DLG2: variants seen among roughly 807,000 people sequenced by gnomAD.
DLG2 encodes the protein discs large MAGUK scaffold protein 2, also known as disks large homolog 2.
Under a neutral mutation model 132.5 loss-of-function variants are expected in DLG2, and 45 were observed. The observed-to-expected ratio is 0.34, with a 90% CI of 0.27 to 0.44. The LOEUF is 0.44. DLG2 is among the 20% of genes least tolerant of loss of function. DLG2 has a pLI of 1.00. For missense variants in DLG2, 1,045 were observed against 1,196.9 expected (o/e 0.87, Z 1.87); for synonymous variants, 424 against 419.6 (o/e 1.01, Z -0.13).
rs145284405 is a variant in DLG2, at chr11:84,242,993, T to TTCTCTCTCTCTCTCTC, written c.573+8229_573+8244dup. Among the ~76,000 whole-genome samples, 926 of 124,960 alleles carry TTCTCTCTCTCTCTCTC rather than the reference T, an allele frequency of 7.4e-3. 7 individuals carry two copies. The highest frequency in any genetic ancestry group is 0.022 in the African/African-American group (707 of 32,066). The allele number at this position is 124,960 out of a possible 152,430, so 82.0% of individuals were successfully genotyped here. A position where few individuals can be genotyped will look rare whatever the true frequency, so the allele number is the denominator to read the frequency against. ...AGGATAGTTTTGATGATTAATTAGG[T>TTCTCTCTCTCTCTCTC]TCTCTCTCTCTCTCTCTCTCTCTCT... is the stretch of plus-strand genomic sequence containing the variant. On this transcript the variant is annotated intron_variant, in intron 8 of 27. Transcript: ENST00000376104.
chr11:85,137,397 C>T (rs1465256823), intron 5 of DLG2, among the ~76,000 whole-genome samples: 1 of 152,010 alleles, frequency 6.6e-6, no homozygotes, highest in East Asian at 1.9e-4. Context: ...TATGACCTGC[C>T]GTGACACAAA....
intron 6 of DLG2, among the ~76,000 whole-genome samples, chr11:84,539,629 C>G (rs113173787): frequency 1.3e-5 from 2 of 152,140 alleles, no homozygotes; most frequent in African/African-American, 4.8e-5. Context: ...GGGGATGGCA[C>G]TGAATCTATA....
intron 15 of DLG2, among the ~76,000 whole-genome samples, chr11:83,884,116 T>C (rs1033962762): frequency 6.6e-6 from 1 of 152,134 alleles, no homozygotes; most frequent in African/African-American, 2.4e-5. Context: ...CAGGGCACCA[T>C]GCGCGAGCCG....
intron 23 of DLG2, 80 bp from the exon 24 acceptor site, chr11:83,471,807 T>A: frequency 8.8e-7 from 1 of 1,134,148 alleles, no homozygotes; most frequent in Non-Finnish European, 1.3e-6. Flanking sequence ...GGGTGATTCT[T>A]AATTGCCAGA....
intron 17 of DLG2, among the ~76,000 whole-genome samples, chr11:83,793,380 G>A (rs1009863138): frequency 6.6e-6 from 1 of 152,012 alleles, no homozygotes; most frequent in African/African-American, 2.4e-5. Flanking sequence ...AATTACCCAT[G>A]TTTTCCTGTA....
intron 7 of DLG2, among the ~76,000 whole-genome samples, chr11:84,364,163 G>T (rs1274141509): frequency 6.6e-6 from 1 of 151,844 alleles, no homozygotes; most frequent in African/African-American, 2.4e-5. Flanking sequence ...TCTTCCATTT[G>T]TTTGTATCCT....
intron 8 of DLG2, among the ~76,000 whole-genome samples, chr11:84,173,438 C>T (rs1371763187): frequency 6.6e-6 from 1 of 152,172 alleles, no homozygotes; most frequent in African/African-American, 2.4e-5. Context: ...CCTCCCTCAC[C>T]TCACCACCCA....
chr11:84,223,045 C>T (rs1372017656), intron 8 of DLG2, among the ~76,000 whole-genome samples: 1 of 152,120 alleles, frequency 6.6e-6, no homozygotes. Context: ...GGTCAGGTTC[C>T]TGGACAGGCC....
At position 85,121,390 on chromosome 11, in the gene DLG2, A is replaced by C. The variant is rs189078449; in HGVS notation, c.283-9655T>G. Among the ~76,000 whole-genome samples the C allele has an allele frequency of 1.7e-3, 255 of 150,778 alleles. 6 individuals carry two copies. The highest frequency in any genetic ancestry group is 7.2e-3 in the Admixed American group (108 of 15,096). ...ATTCTTTTATAGTATATTTATGATA[A>C]ATATGTTATATATATATTATAAAGT... On this transcript the variant is annotated intron_variant, in intron 5 of 27. Transcript: ENST00000376104.
chr11:84,906,684 C>G (rs1289135277), intron 6 of DLG2, among the ~76,000 whole-genome samples: 1 of 151,862 alleles, frequency 6.6e-6, no homozygotes, highest in Non-Finnish European at 1.5e-5. Context: ...ATCAAATAAT[C>G]AAAGAAATAC....
At chr11:85,004,563 G>A (rs117564868) in intron 6 of DLG2, among the ~76,000 whole-genome samples, 3,005 of 152,042 alleles carry the variant, frequency 0.02, 55 homozygotes, top group Admixed American at 0.042. Flanking sequence ...GTTTTGATGC[G>A]GTTGATTTTT....
intron 4 of DLG2, among the ~76,000 whole-genome samples, chr11:85,181,860 T>A (rs117826257): frequency 1.3e-5 from 2 of 151,630 alleles, no homozygotes; most frequent in African/African-American, 2.4e-5. Context: ...TAGCAGGAGA[T>A]CATCGTCCCT....
intron 6 of DLG2, among the ~76,000 whole-genome samples, chr11:84,857,379 A>G (rs2082936912): frequency 6.6e-6 from 1 of 151,994 alleles, no homozygotes; most frequent in Non-Finnish European, 1.5e-5. Flanking sequence ...AATAGCTAGC[A>G]CAGTGAGTCC....
At chr11:83,719,749 G>T (rs1438466587) in intron 18 of DLG2, among the ~76,000 whole-genome samples, 2 of 152,156 alleles carry the variant, frequency 1.3e-5, no homozygotes, top group African/African-American at 4.8e-5. Context: ...CGAGAAGTTT[G>T]GCGGGCAAAA....
intron 6 of DLG2, among the ~76,000 whole-genome samples, chr11:84,734,871 C>T (rs994747407): frequency 2.6e-5 from 4 of 152,020 alleles, no homozygotes; most frequent in Non-Finnish European, 4.4e-5. Context: ...TTGTCAAAGG[C>T]CTTTTCTGCT....
At chr11:83,483,557 A>AATT (rs745621372) in intron 22 of DLG2, among the ~76,000 whole-genome samples, 7 of 152,166 alleles carry the variant, frequency 4.6e-5, no homozygotes, top group African/African-American at 1.4e-4. Context: ...AGCAAATGCC[A>AATT]ATTTTTTGAC....
intron 8 of DLG2, among the ~76,000 whole-genome samples, chr11:84,216,991 G>C (rs1203923605): frequency 1.3e-5 from 2 of 152,048 alleles, no homozygotes; most frequent in Non-Finnish European, 2.9e-5. Context: ...TAAATGAATG[G>C]AAGGAAAAAA....
chr11:83,925,332 C>T (rs1447745964), intron 15 of DLG2, among the ~76,000 whole-genome samples: 1 of 152,114 alleles, frequency 6.6e-6, no homozygotes, highest in African/African-American at 2.4e-5. Context: ...CTCTCTAAAC[C>T]TCTTCTGGTT....
intron 7 of DLG2, among the ~76,000 whole-genome samples, chr11:84,349,416 T>C (rs1028920563): frequency 1.3e-5 from 2 of 152,126 alleles, no homozygotes; most frequent in African/African-American, 4.8e-5. Context: ...ATGGCATCCT[T>C]TCTTTTATAT....
Sources: allele counts gnomAD v4.1 joint callset (sites outside exome capture counted in the v4.1 genomes callset), GRCh38; gene constraint gnomAD v4.1.1; transcripts MANE v1.5; gene names NCBI Gene and HGNC (gene_info 2026-07-23, HGNC 2026-07-21).